SYTL3: variants seen among roughly 807,000 people sequenced by gnomAD.
The protein encoded by SYTL3 is synaptotagmin-like protein 3.
SYTL3 carries 88 observed loss-of-function variants against 82.1 expected under a neutral mutation model. That is an observed-to-expected ratio of 1.07 (90% CI 0.90 to 1.28). The LOEUF is 1.28. SYTL3 is among the 50% of genes most tolerant of loss of function. SYTL3 has a pLI of 0.00. For missense variants in SYTL3, 831 were observed against 757.6 expected (o/e 1.10, Z -1.14); for synonymous variants, 311 against 289.4 (o/e 1.07, Z -0.76).
intron 6 of SYTL3, among the ~76,000 whole-genome samples, chr6:158,684,506 C>T (rs942252554): frequency 1.3e-5 from 2 of 152,118 alleles, no homozygotes; most frequent in African/African-American, 2.4e-5. Flanking sequence ...CGGTGGAGTG[C>T]AGGCAGGTGC....
At chr6:158,719,573 T>C (rs1403848434) in intron 10 of SYTL3, among the ~76,000 whole-genome samples, 1 of 152,160 alleles carries the variant, frequency 6.6e-6, no homozygotes, top group African/African-American at 2.4e-5. Context: ...GGCAGGTGTT[T>C]GAAATTCTAT....
chr6:158,720,158 C>G (rs764067196), intron 10 of SYTL3, among the ~76,000 whole-genome samples: 37 of 151,850 alleles, frequency 2.4e-4, no homozygotes, highest in Non-Finnish European at 5.0e-4. Context: ...TCCCAGCACT[C>G]TGGGAGGCTG....
chr6:158,707,735 A>G (rs1782258627), intron 7 of SYTL3, among the ~76,000 whole-genome samples: 3 of 152,220 alleles, frequency 2.0e-5, no homozygotes, highest in African/African-American at 7.2e-5. Flanking sequence ...AATTCTAAAA[A>G]CTGAGCAGTC....
chr6:158,745,106 G>C (rs979776554), intron 11 of SYTL3, among the ~76,000 whole-genome samples: 1 of 151,978 alleles, frequency 6.6e-6, no homozygotes, highest in South Asian at 2.1e-4. Context: ...CTTAGCCCCA[G>C]ACTGTGCCGC....
chr6:158,706,706 T>C (rs1782141370), intron 6 of SYTL3, among the ~76,000 whole-genome samples: 1 of 152,200 alleles, frequency 6.6e-6, no homozygotes, highest in Non-Finnish European at 1.5e-5. Flanking sequence ...ACCTCTTTTC[T>C]TGAAACAAAA....
chr6:158,649,368 C>G (rs1473573844), upstream of SYTL3, among the ~76,000 whole-genome samples: 1 of 152,218 alleles, frequency 6.6e-6, no homozygotes, highest in African/African-American at 2.4e-5. Flanking sequence ...GCTGGAGCAG[C>G]CTGTGTCTGG....
At chr6:158,653,671 A>G (rs966452974) in intron 2 of SYTL3, among the ~76,000 whole-genome samples, 1 of 152,212 alleles carries the variant, frequency 6.6e-6, no homozygotes, top group Non-Finnish European at 1.5e-5. Flanking sequence ...TGTGGTAAAC[A>G]ATACAGGAGC....
At chr6:158,674,689 G>A (rs1777828728) in intron 5 of SYTL3, among the ~76,000 whole-genome samples, 3 of 152,134 alleles carry the variant, frequency 2.0e-5, no homozygotes, top group Admixed American at 6.5e-5. Flanking sequence ...AAACAAGTAC[G>A]GCTCTGTCCA....
At position 158,702,131 on chromosome 6, in the gene SYTL3, T is replaced by G. The variant is rs145804565; in HGVS notation, c.395-5099T>G. Reference sequence around the variant, plus strand: ...GGATGGGAGGATCACTGCAGGCACATGCCACCATGCCCAGCTCATTTAAAA... The same window carrying G: ...GGATGGGAGGATCACTGCAGGCACAGGCCACCATGCCCAGCTCATTTAAAA... On this transcript the variant is annotated intron_variant, in intron 6 of 17. Transcript: ENST00000611299. Among the ~76,000 whole-genome samples, 212 of 151,864 alleles carry G rather than the reference T, an allele frequency of 1.4e-3. 1 individual carries two copies. The highest frequency in any genetic ancestry group is 4.4e-3 in the African/African-American group (183 of 41,410).
chr6:158,653,106 CATT>C (rs1052944459), intron 2 of SYTL3, among the ~76,000 whole-genome samples: 9 of 152,184 alleles, frequency 5.9e-5, no homozygotes, highest in Non-Finnish European at 7.3e-5. Context: ...CGTGCTGTCT[CATT>C]GTTGCAAAAA....
intron 11 of SYTL3, among the ~76,000 whole-genome samples, chr6:158,741,532 G>T (rs952508183): frequency 6.6e-6 from 1 of 152,176 alleles, no homozygotes; most frequent in Non-Finnish European, 1.5e-5. Flanking sequence ...GTTTCGCTGG[G>T]ATTCAGAAAA....
chr6:158,656,055 C>A (rs1370461939), intron 2 of SYTL3, among the ~76,000 whole-genome samples: 1 of 152,098 alleles, frequency 6.6e-6, no homozygotes, highest in Admixed American at 6.6e-5. Context: ...CGGGAGGTCA[C>A]GACTGGGATG....
intron 6 of SYTL3, among the ~76,000 whole-genome samples, chr6:158,698,009 C>T (rs1263190242): frequency 1.3e-5 from 2 of 152,204 alleles, no homozygotes; most frequent in Non-Finnish European, 2.9e-5. Context: ...GTTGCTGATT[C>T]ACAGTCCTGC....
intron 15 of SYTL3, 117 bp from the exon 16 acceptor site, chr6:158,761,959 C>A: frequency 1.4e-6 from 1 of 693,990 alleles, no homozygotes. Context: ...TCTGCTCTCT[C>A]GGGGTCTGAG....
At chr6:158,645,685 A>C (rs1787394605), upstream of SYTL3, among the ~76,000 whole-genome samples, 1 of 152,118 alleles carries the variant, frequency 6.6e-6, no homozygotes. Context: ...CTGGATTATG[A>C]CCATCGGACT....
At chr6:158,700,906 G>A (rs144700142) in intron 6 of SYTL3, among the ~76,000 whole-genome samples, 1,685 of 152,268 alleles carry the variant, frequency 0.011, 36 homozygotes, top group African/African-American at 0.038. Flanking sequence ...ATGAGCCACC[G>A]CACCTGGCCT....
intron 12 of SYTL3, among the ~76,000 whole-genome samples, chr6:158,746,450 A>T (rs868490802): frequency 3.5e-4 from 22 of 63,676 alleles, no homozygotes; most frequent in Middle Eastern, 8.1e-3. Context: ...TATAATAATA[A>T]TAATAATAAT....
intron 8 of SYTL3, among the ~76,000 whole-genome samples, chr6:158,710,164 G>A (rs912312660): frequency 4.6e-5 from 7 of 152,130 alleles, no homozygotes; most frequent in African/African-American, 1.7e-4. Context: ...AGTCACATGG[G>A]TATAACAATT....
intron 11 of SYTL3, among the ~76,000 whole-genome samples, chr6:158,739,988 AACTT>A (rs1363384606): frequency 7.4e-6 from 1 of 135,076 alleles, no homozygotes; most frequent in Admixed American, 7.5e-5. Flanking sequence ...CTTTTTAGGC[AACTT>A]ACTTTTTTTT....
Sources: allele counts gnomAD v4.1 joint callset (sites outside exome capture counted in the v4.1 genomes callset), GRCh38; gene constraint gnomAD v4.1.1; transcripts MANE v1.5; gene names NCBI Gene and HGNC (gene_info 2026-07-23, HGNC 2026-07-21).